Variants in PRIM2 observed in about 807,000 individuals in gnomAD.
The protein encoded by PRIM2 is DNA primase subunit 2.
In PRIM2, 39 loss-of-function variants were observed where a neutral mutation model predicts 67.3. The observed-to-expected ratio is 0.58, with a 90% CI of 0.45 to 0.76. The LOEUF (loss-of-function observed/expected upper bound fraction) is 0.76. Among genes scored for constraint, PRIM2 ranks in the 30% least tolerant of loss-of-function variants. PRIM2 has a pLI of 0.00. For synonymous variants in PRIM2, 143 were observed against 198.7 expected (o/e 0.72, Z 2.36); for missense variants, 398 against 598.7 (o/e 0.66, Z 3.50).
intron 5 of PRIM2, among the ~76,000 whole-genome samples, chr6:57,355,213 A>AG (rs932993063): frequency 6.6e-6 from 1 of 151,982 alleles, no homozygotes; most frequent in African/African-American, 2.4e-5. Flanking sequence ...CTGAGGCAAG[A>AG]GAATCACTTG....
At chr6:57,604,917 C>T (rs1776532260) in intron 11 of PRIM2, among the ~76,000 whole-genome samples, 4 of 152,136 alleles carry the variant, frequency 2.6e-5, no homozygotes, top group African/African-American at 9.7e-5. Flanking sequence ...ATCTTGATCT[C>T]CTTACCTCGT....
At chr6:57,274,646 C>G in the PRIM2 span, among the ~76,000 whole-genome samples, 1 of 152,250 alleles carries the variant, frequency 6.6e-6, no homozygotes, top group East Asian at 1.9e-4. Flanking sequence ...TGCACCCACT[C>G]ACTGTCTGGC....
At chr6:57,551,442 A>G (rs1775400216) in intron 10 of PRIM2, among the ~76,000 whole-genome samples, 1 of 152,246 alleles carries the variant, frequency 6.6e-6, no homozygotes, top group Non-Finnish European at 1.5e-5. Context: ...AAAAATTTGA[A>G]TGGTAAGGAT....
intron 10 of PRIM2, among the ~76,000 whole-genome samples, chr6:57,540,293 CGA>C (rs1199962171): frequency 3.2e-4 from 47 of 148,210 alleles, no homozygotes; most frequent in East Asian, 3.9e-4. Flanking sequence ...ACACACACAG[CGA>C]GAGAGAGAGA....
chr6:57,284,071 A>T, the PRIM2 span, among the ~76,000 whole-genome samples: 1 of 152,180 alleles, frequency 6.6e-6, no homozygotes, highest in Admixed American at 6.6e-5. Flanking sequence ...TCTCCCCATA[A>T]GTATCCTGGC....
intron 7 of PRIM2, among the ~76,000 whole-genome samples, chr6:57,441,611 C>T (rs1473423756): frequency 2.6e-5 from 4 of 152,020 alleles, no homozygotes; most frequent in East Asian, 3.9e-4. Context: ...TCACTTAAGT[C>T]GGGAAATTAA....
chr6:57,234,887 C>G, the PRIM2 span, among the ~76,000 whole-genome samples: 1 of 152,132 alleles, frequency 6.6e-6, no homozygotes, highest in African/African-American at 2.4e-5. Context: ...GGTATTGATT[C>G]GAAGGCCAGT....
At chr6:57,241,655 A>G in the PRIM2 span, among the ~76,000 whole-genome samples, 1 of 149,756 alleles carries the variant, frequency 6.7e-6, no homozygotes, top group East Asian at 1.9e-4. Context: ...TTACTAGATT[A>G]CTGTTTTAAT....
chr6:57,305,483 A>C, the PRIM2 span, among the ~76,000 whole-genome samples: 9 of 152,224 alleles, frequency 5.9e-5, no homozygotes, highest in Admixed American at 5.9e-4. Context: ...TCATGTTAAA[A>C]ACTGAAATAT....
At chr6:57,388,790 A>G (rs554044220) in intron 7 of PRIM2, among the ~76,000 whole-genome samples, 2 of 152,304 alleles carry the variant, frequency 1.3e-5, no homozygotes, top group Admixed American at 6.5e-5. Flanking sequence ...AAAGAGTTCT[A>G]TTCTGACCAC....
chr6:57,402,892 C>G (rs1336526179), intron 7 of PRIM2, among the ~76,000 whole-genome samples: 6 of 152,120 alleles, frequency 3.9e-5, no homozygotes, highest in African/African-American at 1.4e-4. Flanking sequence ...AGTAGTTCCT[C>G]TTGCACATAT....
intron 7 of PRIM2, among the ~76,000 whole-genome samples, chr6:57,460,139 A>G (rs1230943495): frequency 1.3e-5 from 2 of 151,528 alleles, no homozygotes; most frequent in Non-Finnish European, 2.9e-5. Flanking sequence ...TGCGGTCTCC[A>G]TACAGACCAG....
At chr6:57,372,194 G>A (rs904073729) in intron 5 of PRIM2, among the ~76,000 whole-genome samples, 4 of 152,130 alleles carry the variant, frequency 2.6e-5, no homozygotes, top group African/African-American at 9.7e-5. Flanking sequence ...AGGAATTGAG[G>A]TGAAAGTTTC....
chr6:57,287,757 C>A, the PRIM2 span, among the ~76,000 whole-genome samples: 1 of 147,994 alleles, frequency 6.8e-6, no homozygotes, highest in African/African-American at 2.5e-5. Context: ...CACATGTATC[C>A]CAGAACTTAA....
intron 7 of PRIM2, among the ~76,000 whole-genome samples, chr6:57,391,464 C>T (rs1770341966): frequency 6.6e-6 from 1 of 151,826 alleles, no homozygotes; most frequent in African/African-American, 2.4e-5. Flanking sequence ...GATGGTATTG[C>T]CTAAGTTGTC....
At chr6:57,457,672 A>G (rs1772849636) in intron 7 of PRIM2, among the ~76,000 whole-genome samples, 2 of 152,120 alleles carry the variant, frequency 1.3e-5, no homozygotes, top group Non-Finnish European at 2.9e-5. Flanking sequence ...CCGATTTTCC[A>G]GGTGCCATCT....
At chr6:57,397,758 T>G (rs561035982) in intron 7 of PRIM2, among the ~76,000 whole-genome samples, 1,546 of 152,126 alleles carry the variant, frequency 0.01, 28 homozygotes, top group African/African-American at 0.034. Flanking sequence ...TTTTGAATGG[T>G]TTTTCATGTC....
At chr6:57,567,445 T>C (rs1562793379) in intron 10 of PRIM2, among the ~76,000 whole-genome samples, 1 of 152,282 alleles carries the variant, frequency 6.6e-6, no homozygotes, top group South Asian at 2.1e-4. Flanking sequence ...TAAAGTAAGC[T>C]GTGAGTTTTG....
At chr6:57,229,685 T>A in the PRIM2 span, among the ~76,000 whole-genome samples, 3 of 152,062 alleles carry the variant, frequency 2.0e-5, no homozygotes, top group Admixed American at 2.0e-4. Flanking sequence ...AGAGACAGGG[T>A]TTCACCATGT....
Sources: gnomAD v4.1 joint callset for allele counts (sites outside exome capture counted in the v4.1 genomes callset) on GRCh38, gnomAD v4.1.1 for gene constraint, MANE v1.5 for transcripts, NCBI Gene and HGNC (gene_info 2026-07-23, HGNC 2026-07-21) for gene names.